SPRY3: variants seen among roughly 807,000 people sequenced by gnomAD.
SPRY3 encodes the protein protein sprouty homolog 3.
In SPRY3, 15 loss-of-function variants were observed where a neutral mutation model predicts 20.2. The ratio of observed to expected loss-of-function variants is 0.74; its 90% CI spans 0.50 to 1.14. The LOEUF (loss-of-function observed/expected upper bound fraction) is 1.14, where lower values mean the gene tolerates loss of function less well. SPRY3 is among the 50% of genes most tolerant of loss of function. The pLI is 0.00. For synonymous variants in SPRY3, 143 were observed against 136.5 expected (o/e 1.05, Z -0.33); for missense variants, 364 against 363.9 (o/e 1.00, Z 0.00).
chrX:155,656,114 T>G (rs1386985787), intron 1 of SPRY3, among the ~76,000 whole-genome samples: 1 of 111,319 alleles, frequency 9.0e-6, no homozygotes, highest in Non-Finnish European at 1.9e-5. Context: ...AGTGGTGTTC[T>G]CTGTATTTCC....
intron 2 of SPRY3, among the ~76,000 whole-genome samples, chrX:155,735,455 G>A (rs2091162022): frequency 6.6e-6 from 1 of 151,932 alleles, no homozygotes; most frequent in African/African-American, 2.4e-5. Flanking sequence ...ATTATTTCTT[G>A]CAGTTCTATC....
intron 2 of SPRY3, among the ~76,000 whole-genome samples, chrX:155,687,222 A>G (rs1178742581): frequency 8.9e-6 from 1 of 112,674 alleles, no homozygotes; most frequent in Non-Finnish European, 1.9e-5. Context: ...CAACTTGCAC[A>G]TTACCCAGAA....
intron 2 of SPRY3, among the ~76,000 whole-genome samples, chrX:155,730,276 A>G (rs2091124575): frequency 6.6e-6 from 1 of 152,162 alleles, no homozygotes. Context: ...ACATTGATGC[A>G]AAAATCCTCA....
At chrX:155,707,015 T>C (rs2090956401) in intron 2 of SPRY3, among the ~76,000 whole-genome samples, 1 of 151,118 alleles carries the variant, frequency 6.6e-6, no homozygotes, top group Non-Finnish European at 1.5e-5. Context: ...ATTTTATTTC[T>C]TTTCTTTCCT....
chrX:155,668,835 T>G (rs2124557958), intron 2 of SPRY3, among the ~76,000 whole-genome samples: 1 of 110,838 alleles, frequency 9.0e-6, no homozygotes, highest in East Asian at 2.8e-4. Flanking sequence ...CTATCGGCTC[T>G]TAGGATATTC....
At chrX:155,733,454 A>T (rs2124565919) in intron 2 of SPRY3, among the ~76,000 whole-genome samples, 1 of 151,776 alleles carries the variant, frequency 6.6e-6, no homozygotes, top group East Asian at 1.9e-4. Context: ...ATGTACCCAC[A>T]AAAATTAAAA....
At chrX:155,767,774 A>G (rs75079109) in intron 2 of SPRY3, 188 bp from the exon 2 acceptor site, 4,477 of 87,498 alleles carry the variant, frequency 0.051, 272 homozygotes, top group African/African-American at 0.17. Context: ...GAGGAGGAGA[A>G]AGAGGAGGAG....
chrX:155,641,684 G>A (rs1233020507), intron 1 of SPRY3, among the ~76,000 whole-genome samples: 2 of 115,102 alleles, frequency 1.7e-5, no homozygotes, highest in African/African-American at 6.3e-5. Flanking sequence ...AACCGGAATT[G>A]TAACTTAAGG....
intron 3 of SPRY3, among the ~76,000 whole-genome samples, chrX:155,771,478 T>A (rs979553143): frequency 2.6e-4 from 39 of 152,170 alleles, no homozygotes; most frequent in African/African-American, 7.2e-4. Flanking sequence ...CTAGTTTCCT[T>A]TGGGAAATCA....
chrX:155,662,216 C>T (rs148807705), intron 2 of SPRY3, among the ~76,000 whole-genome samples: 401 of 110,318 alleles, frequency 3.6e-3, no homozygotes, highest in Non-Finnish European at 6.4e-3. Context: ...TTTTTGTTTC[C>T]CCCCACCCCC....
intron 1 of SPRY3, among the ~76,000 whole-genome samples, chrX:155,632,647 G>A (rs1164878039): frequency 2.7e-5 from 3 of 112,114 alleles, no homozygotes; most frequent in Non-Finnish European, 5.6e-5. Context: ...AAGTGAAAGT[G>A]TACAAGGCTC....
intron 2 of SPRY3, 69 bp from the exon 2 acceptor site, chrX:155,767,893 C>T (rs957403717): frequency 6.5e-6 from 1 of 153,438 alleles, no homozygotes; most frequent in African/African-American, 2.4e-5. Flanking sequence ...TGACTCGCCC[C>T]CTCCCCCGTT....
chrX:155,751,995 A>C, intron 2 of SPRY3, among the ~76,000 whole-genome samples: 1 of 151,048 alleles, frequency 6.6e-6, no homozygotes, highest in East Asian at 1.9e-4. Flanking sequence ...AAGGAAAGGA[A>C]AAGGAAAGGA....
At chrX:155,620,263 A>AT (rs1404426178) in intron 1 of SPRY3, among the ~76,000 whole-genome samples, 7 of 111,131 alleles carry the variant, frequency 6.3e-5, no homozygotes, top group Non-Finnish European at 1.3e-4. Flanking sequence ...CACACTTTAT[A>AT]AGATTCTTAG....
chrX:155,681,211 C>G (rs755979669), intron 2 of SPRY3, among the ~76,000 whole-genome samples: 15 of 111,435 alleles, frequency 1.3e-4, no homozygotes, highest in African/African-American at 4.9e-4. Context: ...TTCCCCCATA[C>G]TGTTCTCATG....
At chrX:155,682,171 C>T (rs2068075665) in intron 2 of SPRY3, among the ~76,000 whole-genome samples, 1 of 111,802 alleles carries the variant, frequency 8.9e-6, no homozygotes, top group Non-Finnish European at 1.9e-5. Flanking sequence ...TTCTGAAAAT[C>T]CTTGGGCCCT....
intron 3 of SPRY3, among the ~76,000 whole-genome samples, chrX:155,770,940 A>G (rs2091376817): frequency 1.3e-5 from 2 of 152,016 alleles, no homozygotes; most frequent in Admixed American, 6.6e-5. Flanking sequence ...CTTAAATCCT[A>G]CTCAACACTC....
intron 2 of SPRY3, among the ~76,000 whole-genome samples, chrX:155,716,062 T>G (rs2091020093): frequency 6.6e-6 from 1 of 152,198 alleles, no homozygotes; most frequent in Non-Finnish European, 1.5e-5. Flanking sequence ...GTTCTTGTGA[T>G]GGTGCTTTTC....
chrX:155,732,901 G>A (rs999991601), intron 2 of SPRY3, among the ~76,000 whole-genome samples: 2 of 151,854 alleles, frequency 1.3e-5, no homozygotes, highest in Non-Finnish European at 2.9e-5. Flanking sequence ...AGGCACAGAA[G>A]GACAATCTTC....
Sources: gnomAD v4.1 joint callset for allele counts (sites outside exome capture counted in the v4.1 genomes callset) on GRCh38, gnomAD v4.1.1 for gene constraint, MANE v1.5 for transcripts, NCBI Gene and HGNC (gene_info 2026-07-23, HGNC 2026-07-21) for gene names.